Variants in BOC observed in about 807,000 individuals in gnomAD.
BOC encodes BOC cell adhesion associated, oncogene regulated.
A neutral mutation model predicts 112.0 loss-of-function variants in BOC; 76 were observed. The observed-to-expected ratio is 0.68, with a 90% CI of 0.56 to 0.82. The LOEUF (loss-of-function observed/expected upper bound fraction) is 0.82, where lower values mean the gene tolerates loss of function less well. BOC is among the 40% of genes least tolerant of loss of function. The pLI, the probability that BOC is intolerant of heterozygous loss-of-function variation, is 0.00. For synonymous variants in BOC, 580 were observed against 599.8 expected (o/e 0.97, Z 0.48); for missense variants, 1,309 against 1,511.7 (o/e 0.87, Z 2.22).
intron 5 of BOC, chr3:113,269,868 C>A (rs1947921007): frequency 6.6e-6 from 1 of 152,432 alleles, no homozygotes; most frequent in South Asian, 2.1e-4. Context: ...AGGCAGGCAC[C>A]AGGCTTGGCA....
chr3:113,276,309 C>T (rs1948667017), intron 9 of BOC, among the ~76,000 whole-genome samples: 1 of 152,256 alleles, frequency 6.6e-6, no homozygotes, highest in Non-Finnish European at 1.5e-5. Context: ...CATTCACCCC[C>T]TCAGTGTGTG....
At chr3:113,231,559 G>A (rs1942617987) in intron 2 of BOC, among the ~76,000 whole-genome samples, 1 of 152,186 alleles carries the variant, frequency 6.6e-6, no homozygotes. Context: ...TTGTGGTCAA[G>A]TGAGTCCAAG....
At position 113,286,682 on chromosome 3, in the gene BOC, A is replaced by C. The variant is rs778000174; in HGVS notation, c.3168A>C (p.Pro1056=). Residue 1056 remains proline (P), a synonymous_variant, in exon 20 of 20, where the codon CCA becomes CCC. Coordinates refer to ENST00000682979, the MANE Select transcript of BOC (RefSeq NM_001378074.1). ...TACTCTTTCTCCCCTCAGGGCCCCC[A>C]TGCTGCTTGGGCCTTGTGCCAGTTG... is the stretch of plus-strand genomic sequence containing the variant. ...VWDPPFHSGP[P]CCLGLVPVEE... 6.3e-7 allele frequency: 1 copy of C among 1,581,048 alleles called. No individual in the cohort carries two copies.
chr3:113,280,087 C>G, intron 13 of BOC, 82 bp downstream of exon 13: 1 of 1,381,712 alleles, frequency 7.2e-7, no homozygotes, highest in South Asian at 1.4e-5. Context: ...ATTAGACTCC[C>G]CCGAACAGGG....
chr3:113,217,523 T>C (rs985808531), intron 2 of BOC, among the ~76,000 whole-genome samples: 10 of 20,312 alleles, frequency 4.9e-4, no homozygotes, highest in African/African-American at 1.1e-3. Flanking sequence ...TGAGACCCTA[T>C]CTCAAAAAAA....
chr3:113,259,975 A>G (rs1473615095), intron 4 of BOC, among the ~76,000 whole-genome samples: 2 of 152,040 alleles, frequency 1.3e-5, no homozygotes, highest in Admixed American at 1.3e-4. Context: ...AGTTTTCAAG[A>G]CTCAGGTATC....
Position 113,286,892 on chromosome 3 carries a change from T to G in BOC, c.*30T>G. ...AAGCTGATATCCCAGAAAGACTATA[T>G]ATTGTTTTTTTTTTAAAAAAAAAAA... On this transcript the variant is annotated 3_prime_UTR_variant, in exon 20 of 20. Coordinates refer to ENST00000682979, the MANE Select transcript of BOC (RefSeq NM_001378074.1). The G allele has an allele frequency of 6.7e-7, 1 of 1,498,666 alleles. No homozygotes were observed. Among genetic ancestry groups the G allele is most frequent in the Non-Finnish European group, 8.9e-7 (1 of 1,123,310 alleles). 92.8% of individuals were successfully genotyped at this position (1,498,666 alleles called of 1,614,324 possible).
At chr3:113,280,708 C>A in intron 14 of BOC, 45 bp downstream of exon 14, 1 of 1,454,876 alleles carries the variant, frequency 6.9e-7, no homozygotes, top group East Asian at 2.3e-5. Context: ...GATATAGTTT[C>A]CTCCGCTGGC....
Position 113,272,342 on chromosome 3 carries a change from T to C in BOC, c.668-68T>C. On this transcript the variant is annotated intron_variant, in intron 6 of 19. Coordinates refer to ENST00000682979, the MANE Select transcript of BOC (RefSeq NM_001378074.1). ...CATCTCCATGCTCTCTGGGACTGCC[T>C]CCTGGGCATGCTCTACAGGACATCC... 5 of 1,547,066 alleles carry C rather than the reference T, an allele frequency of 3.2e-6. No homozygotes were observed. The South Asian group carries it at 3.6e-5, about 11-fold the overall frequency.
At chr3:113,229,847 A>T (rs1942318228) in intron 2 of BOC, among the ~76,000 whole-genome samples, 1 of 152,202 alleles carries the variant, frequency 6.6e-6, no homozygotes, top group African/African-American at 2.4e-5. Context: ...GATATTCCTT[A>T]CCAAAATGAC....
chr3:113,235,166 A>G (rs1169214541), intron 2 of BOC, among the ~76,000 whole-genome samples: 1 of 152,224 alleles, frequency 6.6e-6, no homozygotes, highest in Non-Finnish European at 1.5e-5. Flanking sequence ...GGCTTTAAAC[A>G]CTTCCTTTTA....
intron 2 of BOC, among the ~76,000 whole-genome samples, chr3:113,223,650 A>G (rs971738356): frequency 2.0e-5 from 3 of 151,490 alleles, no homozygotes; most frequent in South Asian, 2.1e-4. Flanking sequence ...CTGATCTACT[A>G]TTGTCTCTCT....
At chr3:113,251,505 T>A (rs1483880803) in intron 4 of BOC, 1 of 153,536 alleles carries the variant, frequency 6.5e-6, no homozygotes, top group Non-Finnish European at 1.4e-5. Context: ...ACTACCTTTT[T>A]TTTTTCTGGT....
At chr3:113,251,796 G>C (rs907617559) in intron 4 of BOC, 1 of 152,120 alleles carries the variant, frequency 6.6e-6, no homozygotes, top group Non-Finnish European at 1.5e-5. Context: ...TTTTATGCTT[G>C]TGAAAGTCAT....
intron 2 of BOC, among the ~76,000 whole-genome samples, chr3:113,228,504 C>T (rs1942047449): frequency 6.6e-6 from 1 of 152,152 alleles, no homozygotes; most frequent in Non-Finnish European, 1.5e-5. Context: ...AGAATGAAGA[C>T]TCCATCTCCA....
Position 113,286,982 on chromosome 3 carries a change from T to A in BOC, c.*120T>A. 1 of 1,024,238 alleles carries A rather than the reference T, an allele frequency of 9.8e-7. No homozygotes were observed. The highest frequency in any genetic ancestry group is 1.4e-6 in the Non-Finnish European group (1 of 691,414). The allele number at this position is 1,024,238 out of a possible 1,614,324, so 63.4% of individuals were successfully genotyped here. A position where few individuals can be genotyped will look rare whatever the true frequency, so the allele number is the denominator to read the frequency against. The stretch of plus-strand genomic sequence containing the variant: ...TATTATAGCCATATTTATATATTTA[T>A]GCACTTGTAAATAAATGTATATGTT... On this transcript the variant is annotated 3_prime_UTR_variant, in exon 20 of 20. Transcript: ENST00000682979.
chr3:113,244,634 G>A (rs1486054227), intron 2 of BOC, among the ~76,000 whole-genome samples: 1 of 152,152 alleles, frequency 6.6e-6, no homozygotes, highest in Admixed American at 6.5e-5. Context: ...AGCCCTGAGT[G>A]GCTAGTAGCT....
intron 2 of BOC, among the ~76,000 whole-genome samples, chr3:113,229,468 G>A (rs770408872): frequency 1.3e-5 from 2 of 152,110 alleles, no homozygotes; most frequent in Non-Finnish European, 2.9e-5. Flanking sequence ...ATTGTTCCTG[G>A]CCCCAGTCAG....
chr3:113,249,762 G>T lies in BOC; in HGVS notation c.-41G>T. On this transcript the variant is annotated 5_prime_UTR_variant, in exon 3 of 20. Coordinates refer to ENST00000682979, the MANE Select transcript of BOC (RefSeq NM_001378074.1). Reference sequence around the variant, plus strand: ...GGCAGTATCTCTTTGTGTGACCCTGGCGGCTTATGGGACGTTGGCTTCAGA... The same window carrying T: ...GGCAGTATCTCTTTGTGTGACCCTGTCGGCTTATGGGACGTTGGCTTCAGA... 6.5e-7 allele frequency: 1 copy of T among 1,547,942 alleles called. No individual in the cohort carries two copies.
Sources: gnomAD v4.1 joint callset for allele counts (sites outside exome capture counted in the v4.1 genomes callset) on GRCh38, gnomAD v4.1.1 for gene constraint, MANE v1.5 for transcripts, NCBI Gene and HGNC (gene_info 2026-07-23, HGNC 2026-07-21) for gene names.